MYO1D: variants seen among roughly 807,000 people sequenced by gnomAD.
MYO1D encodes unconventional myosin-Id.
In MYO1D, 83 loss-of-function variants were observed where a neutral mutation model predicts 122.0. That is an observed-to-expected ratio of 0.68 (90% CI 0.57 to 0.82). MYO1D has a LOEUF of 0.82. MYO1D is among the 40% of genes least tolerant of loss of function. The probability of loss-of-function intolerance (pLI) is 0.00; values close to 1 mark genes in which losing one functional copy is unlikely to be tolerated. For synonymous variants in MYO1D, 464 were observed against 446.9 expected (o/e 1.04, Z -0.48); for missense variants, 1,157 against 1,269.5 (o/e 0.91, Z 1.35).
intron 21 of MYO1D, among the ~76,000 whole-genome samples, chr17:32,535,832 G>A (rs899100913): frequency 1.3e-5 from 2 of 152,188 alleles, no homozygotes; most frequent in African/African-American, 4.8e-5. Context: ...TAATATCTTT[G>A]AGGATCTCAG....
intron 21 of MYO1D, 81 bp downstream of exon 21, chr17:32,605,006 C>A: frequency 7.5e-7 from 1 of 1,342,082 alleles, no homozygotes; most frequent in Non-Finnish European, 1.0e-6. Flanking sequence ...TTAAAATTGG[C>A]ACAAAACAAG....
rs536925836 is a variant in MYO1D at position 32,693,511 on chromosome 17, A to C, written c.2121+18477T>G. On this transcript the variant is annotated intron_variant, in intron 16 of 21. Transcript: ENST00000318217. ...AAAGTGGTATTTCCCCTCTTTTTTC[A>C]CCTAACATAGGAAATGTTTTCCTTG... Among the ~76,000 whole-genome samples, 309 of 152,164 alleles carry C rather than the reference A, an allele frequency of 2.0e-3. 3 individuals carry two copies. Among genetic ancestry groups the C allele is most frequent in the African/African-American group, 7.2e-3 (301 of 41,524 alleles).
chr17:32,795,226 C>T (rs971407715), intron 1 of MYO1D, among the ~76,000 whole-genome samples: 1 of 152,094 alleles, frequency 6.6e-6, no homozygotes. Context: ...GAATTAAACC[C>T]GATCCCCTGA....
In MYO1D at chr17:32,857,432, A is replaced by G. The variant is rs536646977; in HGVS notation, c.95+19346T>C. On this transcript the variant is annotated intron_variant, in intron 1 of 21. Coordinates refer to ENST00000318217, the MANE Select transcript of MYO1D (RefSeq NM_015194.3). ...AACCCCATCTCTACTAAAAATACAAAAAATTAGCTGGGCGTGGTGGCGGGC... is the reference window on the plus strand; with the variant it reads ...AACCCCATCTCTACTAAAAATACAAGAAATTAGCTGGGCGTGGTGGCGGGC... Among the ~76,000 whole-genome samples, 3 of 152,182 alleles carry G rather than the reference A, an allele frequency of 2.0e-5. No homozygotes were observed. The South Asian group carries it at 6.2e-4, about 32-fold the overall frequency.
intron 5 of MYO1D, 63 bp from the exon 6 acceptor site, chr17:32,771,283 T>C (rs895495802): frequency 1.8e-6 from 2 of 1,137,430 alleles, no homozygotes; most frequent in African/African-American, 1.6e-5. Flanking sequence ...ATGAACTTAG[T>C]GGTAATCTAG....
rs1443933972 is a variant in MYO1D, at chr17:32,557,207, C to A, written c.2864+47880G>T. Among the ~76,000 whole-genome samples, 3 of 151,880 alleles carry A rather than the reference C, an allele frequency of 2.0e-5. No homozygotes were observed. The East Asian group carries it at 5.8e-4, about 29-fold the overall frequency. On this transcript the variant is annotated intron_variant, in intron 21 of 21. Coordinates refer to ENST00000318217, the MANE Select transcript of MYO1D (RefSeq NM_015194.3). The stretch of plus-strand genomic sequence containing the variant: ...GATCTCGGCTCACTGCAACCTCTGC[C>A]TTCCGGTTTCAAGCTGTTCTCCTGC...
intron 21 of MYO1D, among the ~76,000 whole-genome samples, chr17:32,604,206 C>G (rs923066664): frequency 5.3e-5 from 8 of 151,178 alleles, no homozygotes; most frequent in Non-Finnish European, 1.0e-4. Context: ...AAAAAACATA[C>G]TAATAAGGAA....
At chr17:32,698,947 C>T (rs1598019428) in intron 16 of MYO1D, among the ~76,000 whole-genome samples, 1 of 152,072 alleles carries the variant, frequency 6.6e-6, no homozygotes, top group East Asian at 1.9e-4. Flanking sequence ...CCTTGCCATA[C>T]ATAAGCCACA....
At chr17:32,800,756 G>A (rs751522549) in intron 1 of MYO1D, among the ~76,000 whole-genome samples, 5 of 151,990 alleles carry the variant, frequency 3.3e-5, no homozygotes, top group Non-Finnish European at 7.4e-5. Flanking sequence ...TGCCCAGGCT[G>A]GAGTGCAGTG....
At chr17:32,659,043 C>T in intron 17 of MYO1D, 72 bp downstream of exon 17, 1 of 1,370,534 alleles carries the variant, frequency 7.3e-7, no homozygotes, top group Non-Finnish European at 1.0e-6. Flanking sequence ...ATCACGGTCT[C>T]AGACTTGTGA....
At chr17:32,693,191 AAG>A (rs2089126623) in intron 16 of MYO1D, among the ~76,000 whole-genome samples, 1 of 152,246 alleles carries the variant, frequency 6.6e-6, no homozygotes, top group South Asian at 2.1e-4. Flanking sequence ...ATTCCTTACA[AAG>A]AGTCAAATCT....
rs370165672 is a variant in MYO1D at position 32,634,099 on chromosome 17, A to G, written c.2709+4623T>C. On this transcript the variant is annotated intron_variant, in intron 20 of 21. Transcript: ENST00000318217. ...ATTATCTGAATTGAATGGTTTAGTT[A>G]TTGAGGGTGTGATGTATAGATGATC... 1.0e-3 allele frequency among the ~76,000 whole-genome samples: 153 copies of G among 152,294 alleles called. 2 individuals are homozygous for G. Among genetic ancestry groups the G allele is most frequent in the African/African-American group, 3.2e-3 (131 of 41,560 alleles).
At chr17:32,727,547 G>T (rs915232476) in intron 14 of MYO1D, 1 of 152,200 alleles carries the variant, frequency 6.6e-6, no homozygotes, top group African/African-American at 2.4e-5. Flanking sequence ...AACAGAGCTA[G>T]AAATTTAACT....
At chr17:32,617,547 C>A (rs1016007691) in intron 20 of MYO1D, among the ~76,000 whole-genome samples, 9 of 152,192 alleles carry the variant, frequency 5.9e-5, no homozygotes, top group African/African-American at 2.2e-4. Context: ...TTCCAGCAAT[C>A]CTCCTGCCTC....
At chr17:32,699,770 A>G (rs2089222008) in intron 16 of MYO1D, among the ~76,000 whole-genome samples, 1 of 152,242 alleles carries the variant, frequency 6.6e-6, no homozygotes, top group South Asian at 2.1e-4. Flanking sequence ...AATCTGGGTG[A>G]TGGAAACATG....
chr17:32,534,418 C>G (rs1194967011), intron 21 of MYO1D, among the ~76,000 whole-genome samples: 4 of 152,108 alleles, frequency 2.6e-5, no homozygotes, highest in African/African-American at 9.7e-5. Context: ...AGTGATTCTC[C>G]CATCTCAGCT....
Position 32,776,038 on chromosome 17 carries a change from C to T in MYO1D, c.399-9G>A. 1 of 1,605,740 alleles carries T rather than the reference C, an allele frequency of 6.2e-7. No individual in the cohort carries two copies. Among genetic ancestry groups the T allele is most frequent in the Non-Finnish European group, 8.5e-7 (1 of 1,177,856 alleles). On this transcript the variant is annotated splice_polypyrimidine_tract_variant and intron_variant, in intron 3 of 21. Coordinates refer to ENST00000318217, the MANE Select transcript of MYO1D (RefSeq NM_015194.3). ...GCAACATATTCTTCACTCTTTAACACAGATAAATGAAAGTCATTATAAAAA... is the reference window on the plus strand; with the variant it reads ...GCAACATATTCTTCACTCTTTAACATAGATAAATGAAAGTCATTATAAAAA...
intron 16 of MYO1D, among the ~76,000 whole-genome samples, chr17:32,705,770 A>T (rs191477195): frequency 2.5e-4 from 38 of 152,224 alleles, no homozygotes; most frequent in African/African-American, 8.4e-4. Flanking sequence ...TAATTCCCAC[A>T]TGTTGTGGGA....
At chr17:32,515,214 G>C (rs1283448417) in intron 21 of MYO1D, among the ~76,000 whole-genome samples, 1 of 152,174 alleles carries the variant, frequency 6.6e-6, no homozygotes, top group Non-Finnish European at 1.5e-5. Context: ...CCTGACCACG[G>C]ATATTCCCCT....
Sources: allele counts gnomAD v4.1 joint callset (sites outside exome capture counted in the v4.1 genomes callset), GRCh38; gene constraint gnomAD v4.1.1; transcripts MANE v1.5; gene names NCBI Gene and HGNC (gene_info 2026-07-23, HGNC 2026-07-21).